The following CLCN3 variants were observed in gnomAD, a reference collection of about 807,000 sequenced individuals.
CLCN3 encodes Cl-/H+ antiporter 3.
Under a neutral mutation model 83.4 loss-of-function variants are expected in CLCN3, and 16 were observed. The ratio of observed to expected loss-of-function variants is 0.19; its 90% CI spans 0.13 to 0.29. The LOEUF (loss-of-function observed/expected upper bound fraction) is 0.29. Among genes scored for constraint, CLCN3 ranks in the 10% least tolerant of loss-of-function variants. The pLI is 1.00. For missense variants in CLCN3, 544 were observed against 1,006.0 expected (o/e 0.54, Z 6.21); for synonymous variants, 322 against 346.2 (o/e 0.93, Z 0.78).
intron 2 of CLCN3, among the ~76,000 whole-genome samples, chr4:169,643,377 C>T (rs978981350): frequency 3.3e-5 from 5 of 151,256 alleles, no homozygotes; most frequent in East Asian, 2.0e-4. Context: ...ATTACAGGCA[C>T]GCACCACCAT....
intron 1 of CLCN3, among the ~76,000 whole-genome samples, chr4:169,634,582 G>A (rs901662339): frequency 3.9e-5 from 6 of 152,000 alleles, no homozygotes; most frequent in Non-Finnish European, 8.8e-5. Context: ...TGCCATCTTT[G>A]GTAGCGATAA....
intron 1 of CLCN3, among the ~76,000 whole-genome samples, chr4:169,634,375 A>T (rs1194932794): frequency 6.6e-6 from 1 of 152,212 alleles, no homozygotes; most frequent in African/African-American, 2.4e-5. Context: ...ACATGCTTTG[A>T]TACATCAAAA....
At position 169,635,918 on chromosome 4, in the gene CLCN3, C is replaced by T. The variant is rs192705380; in HGVS notation, c.-11C>T. The T allele has an allele frequency of 5.9e-4, 906 of 1,538,318 alleles. No individual in the cohort carries two copies. Among genetic ancestry groups the T allele is most frequent in the Non-Finnish European group, 7.3e-4 (834 of 1,139,518 alleles). Reference sequence around the variant, plus strand: ...CTACTTTTTCCCCCCCACAGATAATCAGACAGCTAAATGGAGTCTGAGCAG... The same window carrying T: ...CTACTTTTTCCCCCCCACAGATAATTAGACAGCTAAATGGAGTCTGAGCAG... On this transcript the variant is annotated 5_prime_UTR_variant, in exon 2 of 13. Coordinates refer to ENST00000513761, the MANE Select transcript of CLCN3 (RefSeq NM_001829.4).
At chr4:169,710,138 G>A (rs1733153839) in intron 11 of CLCN3, among the ~76,000 whole-genome samples, 1 of 152,166 alleles carries the variant, frequency 6.6e-6, no homozygotes, top group African/African-American at 2.4e-5. Context: ...AAAATTGTAT[G>A]TATGTTTATG....
intron 2 of CLCN3, among the ~76,000 whole-genome samples, chr4:169,638,975 G>C (rs930702207): frequency 1.3e-5 from 2 of 152,168 alleles, no homozygotes; most frequent in Admixed American, 6.5e-5. Context: ...ACAAGAGGAA[G>C]GCCCAATTAG....
intron 2 of CLCN3, among the ~76,000 whole-genome samples, chr4:169,668,174 T>C (rs1473205566): frequency 7.3e-5 from 11 of 150,882 alleles, no homozygotes; most frequent in Non-Finnish European, 8.9e-5. Flanking sequence ...GGGGTTGTTT[T>C]TTGTTTGTTA....
intron 2 of CLCN3, among the ~76,000 whole-genome samples, chr4:169,652,384 C>G (rs1182509544): frequency 6.6e-6 from 1 of 152,154 alleles, no homozygotes; most frequent in African/African-American, 2.4e-5. Flanking sequence ...TAAATGGAAT[C>G]ATATAGTGTA....
chr4:169,629,571 A>G (rs1773317234), intron 1 of CLCN3, among the ~76,000 whole-genome samples: 1 of 152,066 alleles, frequency 6.6e-6, no homozygotes, highest in Non-Finnish European at 1.5e-5. Flanking sequence ...GGGTTTCACC[A>G]TGTTGGCCAT....
intron 2 of CLCN3, among the ~76,000 whole-genome samples, chr4:169,671,927 T>G (rs1157358901): frequency 2.0e-5 from 3 of 152,122 alleles, no homozygotes; most frequent in Non-Finnish European, 2.9e-5. Flanking sequence ...TAATAAAATC[T>G]AACTGTGAGC....
Position 169,636,038 on chromosome 4 carries a change from A to G in CLCN3, c.110A>G (p.Asp37Gly), listed in dbSNP as rs747298399. The change falls in exon 2 of 13, where the codon GAC becomes GGC. Residue 37 changes from aspartate (D) to glycine (G), a missense_variant. Asp to Gly is a moderately conservative substitution (Grantham distance 94). Coordinates refer to ENST00000513761, the MANE Select transcript of CLCN3 (RefSeq NM_001829.4). ...TTAGATGGAGCAGGTGTTATTATGG[A>G]CTTTCAAACATCTGAAGATGACAAT... is the stretch of plus-strand genomic sequence containing the variant. The part of the protein sequence containing the change: ...ELLDGAGVIM[D>G]FQTSEDDNLL... The G allele has an allele frequency of 3.7e-6, 6 of 1,613,322 alleles. No individual in the cohort carries two copies. In the East Asian group the frequency reaches 1.3e-4, roughly 36 times the overall value.
chr4:169,672,300 C>T (rs1362251151), intron 2 of CLCN3, among the ~76,000 whole-genome samples: 1 of 151,704 alleles, frequency 6.6e-6, no homozygotes, highest in Non-Finnish European at 1.5e-5. Context: ...CCACCACACC[C>T]AGATAATTTT....
At chr4:169,640,097 C>A (rs1401869184) in intron 2 of CLCN3, among the ~76,000 whole-genome samples, 1 of 152,162 alleles carries the variant, frequency 6.6e-6, no homozygotes, top group Non-Finnish European at 1.5e-5. Context: ...CATATAGAAT[C>A]CTTAGCAGTG....
chr4:169,695,038 G>A (rs1732513669), intron 7 of CLCN3, among the ~76,000 whole-genome samples: 1 of 152,052 alleles, frequency 6.6e-6, no homozygotes, highest in African/African-American at 2.4e-5. Context: ...TAGAGGTGTT[G>A]GTTGGTGAGA....
At chr4:169,705,415 G>T (rs568993577) in intron 10 of CLCN3, among the ~76,000 whole-genome samples, 1 of 152,190 alleles carries the variant, frequency 6.6e-6, no homozygotes, top group Non-Finnish European at 1.5e-5. Context: ...TCAGATTTAT[G>T]GCAGTCCTGG....
At chr4:169,624,879 C>T (rs1773193690) in intron 1 of CLCN3, among the ~76,000 whole-genome samples, 1 of 152,100 alleles carries the variant, frequency 6.6e-6, no homozygotes, top group Non-Finnish European at 1.5e-5. Flanking sequence ...TCAGTCTCTG[C>T]CTCCTGGGTT....
intron 10 of CLCN3, 109 bp downstream of exon 10, chr4:169,704,293 A>G (rs552812632): frequency 4.2e-5 from 40 of 943,722 alleles, no homozygotes; most frequent in Non-Finnish European, 6.5e-5. Context: ...TGAGTAAAGG[A>G]GGGTGCCAGG....
chr4:169,715,568 AG>A (rs1733393523), intron 12 of CLCN3, among the ~76,000 whole-genome samples: 1 of 152,116 alleles, frequency 6.6e-6, no homozygotes, highest in Admixed American at 6.6e-5. Context: ...GAGACCATGA[AG>A]TTCTGCATAG....
At position 169,633,149 on chromosome 4, in the gene CLCN3, G is replaced by A. The variant is rs1581188809; in HGVS notation, c.-16-2764G>A. 2.0e-5 allele frequency among the ~76,000 whole-genome samples: 3 copies of A among 151,972 alleles called. No homozygotes were observed. In the East Asian group the frequency reaches 5.8e-4, roughly 29 times the overall value. Reference sequence around the variant, plus strand: ...TGCCTCAGGCTCCTTAGTAGCTGGGGTTACAGGCGGCTGCCACCACGCCCG... The same window carrying A: ...TGCCTCAGGCTCCTTAGTAGCTGGGATTACAGGCGGCTGCCACCACGCCCG... On this transcript the variant is annotated intron_variant, in intron 1 of 12. Transcript: ENST00000513761.
Position 169,721,836 on chromosome 4 carries a change from A to C in CLCN3, c.*1839A>C, listed in dbSNP as rs1733648445. ...TTTGATAGGAAAATGAAATTTTTGC[A>C]AACAGACATTTTCTTTTTTTTTGGC... is the stretch of plus-strand genomic sequence containing the variant. On this transcript the variant is annotated 3_prime_UTR_variant, in exon 13 of 13. Transcript: ENST00000513761. 6.6e-6 allele frequency: 1 copy of C among 152,178 alleles called. No homozygotes were observed. The highest frequency in any genetic ancestry group is 2.4e-5 in the African/African-American group (1 of 41,428). 9.4% of individuals were successfully genotyped at this position (152,178 alleles called of 1,614,324 possible). A position where few individuals can be genotyped will look rare whatever the true frequency, so the allele number is the denominator to read the frequency against.
Sources: gnomAD v4.1 joint callset for allele counts (sites outside exome capture counted in the v4.1 genomes callset) on GRCh38, gnomAD v4.1.1 for gene constraint, MANE v1.5 for transcripts, NCBI Gene and HGNC (gene_info 2026-07-23, HGNC 2026-07-21) for gene names.